SLC1A1: variants seen among roughly 807,000 people sequenced by gnomAD.
SLC1A1 encodes solute carrier family 1 member 1.
In SLC1A1, 43 loss-of-function variants were observed where a neutral mutation model predicts 53.3. The ratio of observed to expected loss-of-function variants is 0.81; its 90% CI spans 0.63 to 1.04. SLC1A1 has a LOEUF of 1.04. Among genes scored for constraint, SLC1A1 ranks in the 50% least tolerant of loss-of-function variants. The probability of loss-of-function intolerance (pLI) is 0.00; values close to 1 mark genes in which losing one functional copy is unlikely to be tolerated. For synonymous variants in SLC1A1, 307 were observed against 243.2 expected (o/e 1.26, Z -2.44); for missense variants, 748 against 664.9 (o/e 1.12, Z -1.37).
chr9:4,529,127 G>T (rs1816375206), intron 1 of SLC1A1, among the ~76,000 whole-genome samples: 1 of 151,968 alleles, frequency 6.6e-6, no homozygotes, highest in Non-Finnish European at 1.5e-5. Flanking sequence ...GCTCACCTTG[G>T]ATCACAGCAG....
At chr9:4,538,613 T>C (rs934758389) in intron 1 of SLC1A1, among the ~76,000 whole-genome samples, 1 of 152,254 alleles carries the variant, frequency 6.6e-6, no homozygotes, top group Non-Finnish European at 1.5e-5. Context: ...GCATTTATTT[T>C]TATTGCAGGC....
At chr9:4,511,079 T>C (rs1820983008) in intron 1 of SLC1A1, among the ~76,000 whole-genome samples, 2 of 152,188 alleles carry the variant, frequency 1.3e-5, no homozygotes, top group African/African-American at 4.8e-5. Flanking sequence ...AGCCAGGAAG[T>C]CGTTTAGTTA....
chr9:4,493,542 G>GA (rs937584178), intron 1 of SLC1A1, among the ~76,000 whole-genome samples: 3 of 151,998 alleles, frequency 2.0e-5, no homozygotes, highest in African/African-American at 2.4e-5. Flanking sequence ...ACTTAAAGAA[G>GA]AAAAAAAACT....
chr9:4,564,293 A>T (rs769519524), intron 3 of SLC1A1, 51 bp from the exon 4 acceptor site: 1 of 1,255,818 alleles, frequency 8.0e-7, no homozygotes, highest in Non-Finnish European at 1.2e-6. Context: ...CAGCTGTGCC[A>T]GGTGCCCTGG....
chr9:4,563,118 T>C (rs1345579042), intron 3 of SLC1A1, among the ~76,000 whole-genome samples: 3 of 87,668 alleles, frequency 3.4e-5, no homozygotes, highest in Non-Finnish European at 4.8e-5. Flanking sequence ...TAAAGTATAA[T>C]AATAAAAGAA....
At chr9:4,511,353 G>A (rs1320740595) in intron 1 of SLC1A1, among the ~76,000 whole-genome samples, 3 of 152,098 alleles carry the variant, frequency 2.0e-5, no homozygotes, top group African/African-American at 2.4e-5. Flanking sequence ...AAGTGGCAAG[G>A]CAGCTCTCTG....
At chr9:4,540,140 T>A (rs921220465) in intron 1 of SLC1A1, among the ~76,000 whole-genome samples, 1 of 152,052 alleles carries the variant, frequency 6.6e-6, no homozygotes, top group Non-Finnish European at 1.5e-5. Flanking sequence ...CAGCTAGACA[T>A]TGGAGAGAAG....
At chr9:4,544,464 C>T in intron 1 of SLC1A1, 103 bp from the exon 2 acceptor site, 1 of 973,678 alleles carries the variant, frequency 1.0e-6, no homozygotes, top group Non-Finnish European at 1.7e-6. Flanking sequence ...AACTATTTTT[C>T]TTGCCATTAA....
rs529566425 is a variant in SLC1A1, at chr9:4,565,361, CT to C, written c.441-685del. ...GTAAGTGTATTAGTCCATTTTCACA[CT>C]GCTATAAAGAACTACCTGGGACTGG... On this transcript the variant is annotated intron_variant, in intron 4 of 11. Coordinates refer to ENST00000262352, the MANE Select transcript of SLC1A1 (RefSeq NM_004170.6). Among the ~76,000 whole-genome samples, 693 of 152,282 alleles carry C rather than the reference CT, an allele frequency of 4.6e-3. 3 individuals are homozygous for C. Among genetic ancestry groups the C allele is most frequent in the Non-Finnish European group, 6.8e-3 (466 of 68,032 alleles).
intron 1 of SLC1A1, among the ~76,000 whole-genome samples, chr9:4,500,509 C>T (rs1189147603): frequency 1.3e-5 from 2 of 152,176 alleles, no homozygotes; most frequent in African/African-American, 4.8e-5. Flanking sequence ...CGGGGTTTCA[C>T]CATGCTGGCC....
chr9:4,567,027 G>C (rs1819554422), intron 5 of SLC1A1, among the ~76,000 whole-genome samples: 1 of 152,138 alleles, frequency 6.6e-6, no homozygotes, highest in Admixed American at 6.5e-5. Flanking sequence ...TGTTTGTAAG[G>C]TTCTCAGTGT....
At chr9:4,552,982 G>T (rs1818058377) in intron 2 of SLC1A1, among the ~76,000 whole-genome samples, 1 of 151,942 alleles carries the variant, frequency 6.6e-6, no homozygotes, top group Non-Finnish European at 1.5e-5. Flanking sequence ...GACTTGCTCT[G>T]CCATCAGTTT....
chr9:4,540,813 G>GA lies in SLC1A1; in HGVS notation c.92-3753dup, dbSNP rs1222482813. On this transcript the variant is annotated intron_variant, in intron 1 of 11. Coordinates refer to ENST00000262352, the MANE Select transcript of SLC1A1 (RefSeq NM_004170.6). ...GCACAGGCAGCTTTCTTGGAAATGA[G>GA]ATAATGTGATCTCATTTTAAAGTTG... 1.1e-4 allele frequency among the ~76,000 whole-genome samples: 17 copies of GA among 152,336 alleles called. No homozygotes were observed. The East Asian group carries it at 3.1e-3, about 28-fold the overall frequency.
intron 2 of SLC1A1, among the ~76,000 whole-genome samples, chr9:4,551,371 A>G (rs1319265562): frequency 6.6e-6 from 1 of 152,098 alleles, no homozygotes; most frequent in South Asian, 2.1e-4. Context: ...CTGCATGAAA[A>G]CAGACTAACA....
intron 5 of SLC1A1, among the ~76,000 whole-genome samples, chr9:4,567,386 G>C (rs528318702): frequency 1.3e-3 from 194 of 152,310 alleles, no homozygotes; most frequent in African/African-American, 4.5e-3. Context: ...ACTTTCTTTT[G>C]TATTATTCTT....
intron 10 of SLC1A1, among the ~76,000 whole-genome samples, chr9:4,578,484 A>G (rs180871232): frequency 1.3e-5 from 2 of 152,326 alleles, no homozygotes; most frequent in Non-Finnish European, 2.9e-5. Flanking sequence ...AGGCTTGGAA[A>G]AATCCTAATA....
intron 6 of SLC1A1, among the ~76,000 whole-genome samples, chr9:4,568,997 G>A (rs74644590): frequency 2.5e-3 from 388 of 152,228 alleles, no homozygotes; most frequent in African/African-American, 9.0e-3. Flanking sequence ...CAGGAGCAAC[G>A]GTTCAGTATT....
intron 1 of SLC1A1, among the ~76,000 whole-genome samples, chr9:4,503,064 G>C (rs1820688759): frequency 6.6e-6 from 1 of 151,710 alleles, no homozygotes; most frequent in Non-Finnish European, 1.5e-5. Flanking sequence ...CTTTTATGTT[G>C]TAGACTTCTC....
chr9:4,510,024 G>A (rs997308061), intron 1 of SLC1A1, among the ~76,000 whole-genome samples: 1 of 152,112 alleles, frequency 6.6e-6, no homozygotes, highest in Non-Finnish European at 1.5e-5. Flanking sequence ...AGTAGAAATG[G>A]GGTTTTGCTG....
Sources: gnomAD v4.1 joint callset for allele counts (sites outside exome capture counted in the v4.1 genomes callset) on GRCh38, gnomAD v4.1.1 for gene constraint, MANE v1.5 for transcripts, NCBI Gene and HGNC (gene_info 2026-07-23, HGNC 2026-07-21) for gene names.